Variants in TBX15 observed in about 807,000 individuals in gnomAD.
TBX15 encodes T-box transcription factor TBX15.
TBX15 carries 18 observed loss-of-function variants against 53.9 expected under a neutral mutation model. That is an observed-to-expected ratio of 0.33 (90% confidence interval 0.23 to 0.49). TBX15 has a LOEUF of 0.49. Ranked by LOEUF, TBX15 falls within the 20% of genes least tolerant of loss-of-function variation. TBX15 has a pLI of 0.98. For missense variants in TBX15, 692 were observed against 749.5 expected (o/e 0.92, Z 0.90); for synonymous variants, 295 against 278.0 (o/e 1.06, Z -0.61).
intron 2 of TBX15, among the ~76,000 whole-genome samples, chr1:118,929,285 A>G (rs2645290): frequency 0.76 from 115,762 of 152,168 alleles, 44,444 homozygotes; most frequent in East Asian, 0.86. Context: ...TCATCTAAGT[A>G]AGAAAAAGGA....
chr1:118,915,269 T>C (rs1655181716), intron 5 of TBX15, among the ~76,000 whole-genome samples: 2 of 152,214 alleles, frequency 1.3e-5, no homozygotes, highest in African/African-American at 4.8e-5. Context: ...TCTTCATATT[T>C]TTGATAATTG....
At chr1:118,952,565 A>G (rs1279199422) in intron 1 of TBX15, among the ~76,000 whole-genome samples, 1 of 152,146 alleles carries the variant, frequency 6.6e-6, no homozygotes, top group Non-Finnish European at 1.5e-5. Context: ...TTTTTATAAG[A>G]CATTTTACAA....
intron 1 of TBX15, among the ~76,000 whole-genome samples, chr1:118,983,509 C>T (rs1225578941): frequency 6.6e-6 from 1 of 152,122 alleles, no homozygotes; most frequent in Non-Finnish European, 1.5e-5. Flanking sequence ...GTCATCCCCT[C>T]AGCGAACAAT....
chr1:118,979,651 G>A (rs1450110383), intron 1 of TBX15, among the ~76,000 whole-genome samples: 3 of 152,184 alleles, frequency 2.0e-5, no homozygotes, highest in East Asian at 3.9e-4. Context: ...GTTTTGGTCT[G>A]TTCTGTTTTT....
intron 5 of TBX15, among the ~76,000 whole-genome samples, chr1:118,922,115 T>A (rs1655444463): frequency 6.6e-6 from 1 of 152,332 alleles, no homozygotes; most frequent in East Asian, 1.9e-4. Flanking sequence ...TAAATAAGCA[T>A]GCTTGTTGAT....
intron 1 of TBX15, among the ~76,000 whole-genome samples, chr1:118,940,819 CA>C (rs1339249401): frequency 6.6e-6 from 1 of 151,684 alleles, no homozygotes; most frequent in Non-Finnish European, 1.5e-5. Flanking sequence ...ATTCTTCCCA[CA>C]AAATTAATAT....
chr1:118,888,235 G>A (rs1281440449), intron 7 of TBX15, among the ~76,000 whole-genome samples: 3 of 152,170 alleles, frequency 2.0e-5, no homozygotes, highest in Non-Finnish European at 4.4e-5. Context: ...TAGCAATGCA[G>A]GCCACCTCTT....
chr1:118,925,386 C>T (rs1249096565), intron 3 of TBX15, among the ~76,000 whole-genome samples: 1 of 152,236 alleles, frequency 6.6e-6, no homozygotes, highest in Non-Finnish European at 1.5e-5. Flanking sequence ...CTATGACGGG[C>T]CTTTGCCTCT....
chr1:118,980,829 CT>C (rs534135435), intron 1 of TBX15, among the ~76,000 whole-genome samples: 19 of 149,272 alleles, frequency 1.3e-4, no homozygotes, highest in East Asian at 3.9e-4. Flanking sequence ...TTGACTGGTG[CT>C]TTTTTTTTTC....
At chr1:118,959,322 A>G (rs1656791053) in intron 1 of TBX15, among the ~76,000 whole-genome samples, 1 of 152,216 alleles carries the variant, frequency 6.6e-6, no homozygotes, top group Non-Finnish European at 1.5e-5. Context: ...GACATCTGCA[A>G]GAGAGACCAT....
chr1:118,958,099 C>A (rs373116307), intron 1 of TBX15, among the ~76,000 whole-genome samples: 8 of 152,192 alleles, frequency 5.3e-5, no homozygotes, highest in Admixed American at 3.9e-4. Context: ...TGTGTCCCCA[C>A]AAAATTCTTA....
intron 1 of TBX15, among the ~76,000 whole-genome samples, chr1:118,934,046 C>G (rs1055359499): frequency 1.3e-5 from 2 of 152,088 alleles, no homozygotes; most frequent in Admixed American, 1.3e-4. Context: ...GGAATTGGGA[C>G]TACGGCTAGA....
chr1:118,962,274 C>T (rs1557901356), intron 1 of TBX15, among the ~76,000 whole-genome samples: 1 of 152,190 alleles, frequency 6.6e-6, no homozygotes, highest in Non-Finnish European at 1.5e-5. Context: ...AAAAAATTGA[C>T]TATCGCTTTT....
At position 118,965,624 on chromosome 1, in the gene TBX15, C is replaced by T. The variant is rs559317716; in HGVS notation, c.205+21967G>A. Among the ~76,000 whole-genome samples the T allele has an allele frequency of 2.6e-5, 4 of 152,170 alleles. No individual in the cohort carries two copies. In the East Asian group the frequency reaches 7.7e-4, roughly 29 times the overall value. The stretch of plus-strand genomic sequence containing the variant: ...TATCACAAGAATGCCCAAAAATAAT[C>T]ATGGAGTCTTATTTAAAGAAGGAAA... On this transcript the variant is annotated intron_variant, in intron 1 of 7. Transcript: ENST00000369429.
intron 1 of TBX15, among the ~76,000 whole-genome samples, chr1:118,972,252 G>C (rs538358815): frequency 6.6e-6 from 1 of 152,262 alleles, no homozygotes; most frequent in South Asian, 2.1e-4. Flanking sequence ...AAACATATGA[G>C]CTCTGCATGG....
intron 1 of TBX15, among the ~76,000 whole-genome samples, chr1:118,934,327 A>G (rs1428484277): frequency 1.3e-5 from 2 of 152,178 alleles, no homozygotes; most frequent in Non-Finnish European, 2.9e-5. Context: ...GAACAAGACA[A>G]GTTAAATAAG....
At chr1:118,989,110 G>A (rs1442263994), upstream of TBX15, among the ~76,000 whole-genome samples, 1 of 152,146 alleles carries the variant, frequency 6.6e-6, no homozygotes, top group Non-Finnish European at 1.5e-5. Flanking sequence ...CGCCTGTTCC[G>A]GGCTCTTGTT....
chr1:118,935,879 T>G (rs912960), intron 1 of TBX15, among the ~76,000 whole-genome samples: 115,710 of 152,068 alleles, frequency 0.76, 44,409 homozygotes, highest in East Asian at 0.86. Flanking sequence ...GCTTGTATTT[T>G]TATGTCTATT....
intron 1 of TBX15, among the ~76,000 whole-genome samples, chr1:118,955,229 A>G (rs780522534): frequency 6.8e-6 from 1 of 147,390 alleles, no homozygotes; most frequent in East Asian, 2.1e-4. Flanking sequence ...CTGCCCTTTA[A>G]ATATGAACAA....
Sources: gnomAD v4.1 joint callset for allele counts (sites outside exome capture counted in the v4.1 genomes callset) on GRCh38, gnomAD v4.1.1 for gene constraint, MANE v1.5 for transcripts, NCBI Gene and HGNC (gene_info 2026-07-23, HGNC 2026-07-21) for gene names.